Variants in CNPPD1 observed in about 807,000 individuals in gnomAD.
CNPPD1 encodes the protein protein CNPPD1.
CNPPD1 carries 40 observed loss-of-function variants against 43.7 expected under a neutral mutation model. The observed-to-expected ratio is 0.92, with a 90% CI of 0.71 to 1.19. The LOEUF is 1.19. CNPPD1 is among the 50% of genes most tolerant of loss of function. The pLI, the probability that CNPPD1 is intolerant of heterozygous loss-of-function variation, is 0.00. For synonymous variants in CNPPD1, 208 were observed against 214.3 expected (o/e 0.97, Z 0.26); for missense variants, 511 against 518.5 (o/e 0.99, Z 0.14).
intron 1 of CNPPD1, 114 bp from the exon 2 acceptor site, chr2:219,176,445 C>A: frequency 1.3e-6 from 1 of 795,136 alleles, no homozygotes. Context: ...GCTAGGGGGC[C>A]CGTGCCTTAC....
At position 219,173,169 on chromosome 2, in the gene CNPPD1, C is replaced by T. The variant is rs759828301; in HGVS notation, c.691-41G>A. On this transcript the variant is annotated intron_variant, in intron 7 of 7. Transcript: ENST00000360507. ...TAAGAAAGAAGGAATCTGTCTTTAACACATTCACCCCTTGTCTCTAGAAAT... is the reference window on the plus strand; with the variant it reads ...TAAGAAAGAAGGAATCTGTCTTTAATACATTCACCCCTTGTCTCTAGAAAT... 7.9e-6 allele frequency: 12 copies of T among 1,521,920 alleles called. No individual in the cohort carries two copies. The Admixed American group carries it at 2.4e-4, about 30-fold the overall frequency. The allele number at this position is 1,521,920 out of a possible 1,614,324, so 94.3% of individuals were successfully genotyped here.
intron 2 of CNPPD1, 136 bp downstream of exon 2, chr2:219,176,087 C>T (rs950133158): frequency 4.6e-6 from 3 of 651,120 alleles, no homozygotes; most frequent in South Asian, 3.7e-5. Context: ...ATGCAAACTG[C>T]CCTCTTGAAC....
upstream of CNPPD1, chr2:219,177,035 G>A: frequency 2.1e-6 from 1 of 473,778 alleles, no homozygotes; most frequent in Non-Finnish European, 3.7e-6. Flanking sequence ...GTTCCGCCCC[G>A]GGCTTGGCGC....
At chr2:219,175,922 C>T (rs1001437508) in intron 2 of CNPPD1, among the ~76,000 whole-genome samples, 2 of 152,238 alleles carry the variant, frequency 1.3e-5, no homozygotes, top group African/African-American at 2.4e-5. Flanking sequence ...TCTGTCACTG[C>T]TGTTCATCTG....
intron 6 of CNPPD1, among the ~76,000 whole-genome samples, chr2:219,173,934 C>T (rs578201129): frequency 1.3e-5 from 2 of 152,254 alleles, no homozygotes; most frequent in South Asian, 2.1e-4. Flanking sequence ...AACTACCATA[C>T]CCACCCAATA....
In CNPPD1 at chr2:219,176,300, C is replaced by A. The variant is rs140947736; in HGVS notation, c.101G>T (p.Arg34Leu). The change falls in exon 2 of 8, where the codon CGG (arginine) becomes CTG (leucine). Residue 34 changes from arginine to leucine, a missense_variant. Physicochemically the swap from Arg to Leu is moderately radical, Grantham distance 102. Transcript: ENST00000360507. ...GCCATAGTAGAGCCTCCTTCGGATC[C>A]GGGCACTCAGCTTCTGGTGTCCTGG... is the stretch of plus-strand genomic sequence containing the variant. ...FLPGHQKLSA[R>L]IRRRLYYGWD... 5.0e-6 allele frequency: 8 copies of A among 1,614,174 alleles called. No individual in the cohort carries two copies. In the East Asian group the frequency reaches 1.8e-4, roughly 36 times the overall value.
At chr2:219,173,797 T>C (rs1476133418) in intron 6 of CNPPD1, among the ~76,000 whole-genome samples, 1 of 152,118 alleles carries the variant, frequency 6.6e-6, no homozygotes, top group East Asian at 1.9e-4. Context: ...TGTACACCAC[T>C]GCATCTGGCT....
intron 1 of CNPPD1, 175 bp from the exon 2 acceptor site, chr2:219,176,506 G>A: frequency 1.6e-6 from 1 of 628,200 alleles, no homozygotes; most frequent in Non-Finnish European, 2.8e-6. Context: ...GGTCCATAGA[G>A]GGAGGAATGC....
intron 1 of CNPPD1, 40 bp downstream of exon 1, chr2:219,176,720 C>A (rs1267223326): frequency 1.4e-6 from 2 of 1,382,696 alleles, no homozygotes; most frequent in East Asian, 2.6e-5. Context: ...CCGGGAGGGG[C>A]GCGCCGGGAG....
At position 219,173,396 on chromosome 2, in the gene CNPPD1, G is replaced by A. The variant is rs368382273; in HGVS notation, c.644C>T (p.Pro215Leu). ...GGAGCCCAGGGCCAACTGCCAGGTCGGCTGCTCCAGCAGCACACACAGGTC... is the reference window on the plus strand; with the variant it reads ...GGAGCCCAGGGCCAACTGCCAGGTCAGCTGCTCCAGCAGCACACACAGGTC... ...YTDLCVLLEQ[P>L]TWQLALGSLC... The change falls in exon 7 of 8, where the codon CCG becomes CTG. Residue 215 changes from proline to leucine, a missense_variant. Pro to Leu is a moderately conservative substitution (Grantham distance 98). Coordinates refer to ENST00000360507, the MANE Select transcript of CNPPD1 (RefSeq NM_015680.6). 5.6e-5 allele frequency: 91 copies of A among 1,613,554 alleles called. No homozygotes were observed. The Middle Eastern group carries it at 3.4e-3, about 61-fold the overall frequency.
At chr2:219,174,951 C>T (rs1317672987) in intron 4 of CNPPD1, 37 bp downstream of exon 4, 1 of 1,614,022 alleles carries the variant, frequency 6.2e-7, no homozygotes, top group Non-Finnish European at 8.5e-7. Flanking sequence ...ATAGCAGGCT[C>T]TTGGCTCTTT....
Position 219,174,634 on chromosome 2 carries a change from A to G in CNPPD1, c.510+144T>C. On this transcript the variant is annotated intron_variant, in intron 5 of 7. Coordinates refer to ENST00000360507, the MANE Select transcript of CNPPD1 (RefSeq NM_015680.6). Reference sequence around the variant, plus strand: ...AAAAACTGGTTAGTACTGAAGAGATAGGAAAGGAAGACACTAACACAAAGG... The same window carrying G: ...AAAAACTGGTTAGTACTGAAGAGATGGGAAAGGAAGACACTAACACAAAGG... The G allele has an allele frequency of 1.2e-5, 14 of 1,170,566 alleles. No individual in the cohort carries two copies. The South Asian group carries it at 2.2e-4, about 18-fold the overall frequency. 72.5% of individuals were successfully genotyped at this position (1,170,566 alleles called of 1,614,324 possible).
chr2:219,177,025 G>C, upstream of CNPPD1: 1 of 502,226 alleles, frequency 2.0e-6, no homozygotes, highest in Non-Finnish European at 3.5e-6. Flanking sequence ...GCCTCTTCCT[G>C]TTCCGCCCCG....
intron 3 of CNPPD1, 130 bp from the exon 4 acceptor site, chr2:219,175,238 T>C (rs768015921): frequency 1.9e-5 from 23 of 1,229,492 alleles, no homozygotes; most frequent in Non-Finnish European, 2.4e-5. Flanking sequence ...CGGTGGCTCA[T>C]GTCTGTAATC....
intron 5 of CNPPD1, among the ~76,000 whole-genome samples, chr2:219,174,569 G>A (rs975900738): frequency 1.3e-5 from 2 of 152,204 alleles, no homozygotes; most frequent in Non-Finnish European, 2.9e-5. Flanking sequence ...AGGAGGCGAG[G>A]AAATGTTCTG....
intron 6 of CNPPD1, 71 bp downstream of exon 6, chr2:219,174,075 C>T: frequency 1.4e-6 from 2 of 1,432,098 alleles, no homozygotes; most frequent in Non-Finnish European, 2.0e-6. Context: ...AGACTCTCAT[C>T]TCTAGCTCCT....
chr2:219,172,932 G>A lies in CNPPD1; in HGVS notation c.887C>T (p.Ser296Phe). The change falls in exon 8 of 8, where the codon TCC (serine) becomes TTC (phenylalanine). Residue 296 changes from serine to phenylalanine, a missense_variant. Physicochemically the swap from Ser to Phe is radical, Grantham distance 155. Transcript: ENST00000360507. ...PQCLPSLANV[S>F]SCLEGSMGLR... Reference sequence around the variant, plus strand: ...CCCCATGCTGCCTTCCAGGCAGCTGGAGACATTAGCGAGAGACGGCAGGCA... The same window carrying A: ...CCCCATGCTGCCTTCCAGGCAGCTGAAGACATTAGCGAGAGACGGCAGGCA... 6.2e-7 allele frequency: 1 copy of A among 1,613,662 alleles called. No individual in the cohort carries two copies. The highest frequency in any genetic ancestry group is 1.3e-5 in the African/African-American group (1 of 75,026).
chr2:219,176,094 G>C, intron 2 of CNPPD1, 129 bp downstream of exon 2: 1 of 687,176 alleles, frequency 1.5e-6, no homozygotes, highest in Non-Finnish European at 2.6e-6. Flanking sequence ...CTGCCCTCTT[G>C]AACCAAGTAC....
intron 2 of CNPPD1, 140 bp from the exon 3 acceptor site, chr2:219,175,812 A>G (rs1050387676): frequency 1.4e-6 from 1 of 697,288 alleles, no homozygotes; most frequent in South Asian, 1.7e-5. Flanking sequence ...TAGAGATCAA[A>G]TTCTCACACA....
Sources: gnomAD v4.1 joint callset for allele counts (sites outside exome capture counted in the v4.1 genomes callset) on GRCh38, gnomAD v4.1.1 for gene constraint, MANE v1.5 for transcripts, NCBI Gene and HGNC (gene_info 2026-07-23, HGNC 2026-07-21) for gene names.